GABBR2: variants seen among roughly 807,000 people sequenced by gnomAD.
GABBR2 encodes gamma-aminobutyric acid type B receptor subunit 2.
Under a neutral mutation model 105.6 loss-of-function variants are expected in GABBR2, and 23 were observed. The observed-to-expected ratio is 0.22, with a 90% CI of 0.16 to 0.31. The LOEUF is 0.31. Among genes scored for constraint, GABBR2 ranks in the 10% least tolerant of loss-of-function variants. The pLI, the probability that GABBR2 is intolerant of heterozygous loss-of-function variation, is 1.00. For missense variants in GABBR2, 734 were observed against 1,245.5 expected, an observed-to-expected ratio of 0.59 and a Z score of 6.18; for synonymous variants, 478 against 499.7, an observed-to-expected ratio of 0.96 and a Z score of 0.58.
At chr9:98,615,204 CA>C (rs1265004215) in intron 1 of GABBR2, among the ~76,000 whole-genome samples, 1 of 152,168 alleles carries the variant, frequency 6.6e-6, no homozygotes, top group Non-Finnish European at 1.5e-5. Context: ...GGATGCGAGA[CA>C]CACTAGAGCA....
At chr9:98,444,312 G>A (rs1204407833) in intron 7 of GABBR2, among the ~76,000 whole-genome samples, 6 of 152,170 alleles carry the variant, frequency 3.9e-5, no homozygotes, top group African/African-American at 1.2e-4. Flanking sequence ...CTGGGTGGAT[G>A]GGGAGGGAGT....
chr9:98,415,480 G>A (rs1405465483), intron 7 of GABBR2, among the ~76,000 whole-genome samples: 2 of 152,146 alleles, frequency 1.3e-5, no homozygotes, highest in Non-Finnish European at 1.5e-5. Context: ...AGAGAGCAAT[G>A]AACAAGTTCA....
At chr9:98,688,245 G>T (rs1283614734) in intron 1 of GABBR2, among the ~76,000 whole-genome samples, 1 of 152,104 alleles carries the variant, frequency 6.6e-6, no homozygotes, top group East Asian at 1.9e-4. Flanking sequence ...TGGAGCAATG[G>T]GGTGAATGTA....
intron 11 of GABBR2, among the ~76,000 whole-genome samples, chr9:98,380,434 C>T (rs1287294406): frequency 2.6e-5 from 4 of 152,236 alleles, no homozygotes; most frequent in African/African-American, 9.6e-5. Flanking sequence ...TTTTTCTCAT[C>T]CCCACCTGCT....
chr9:98,629,335 A>G (rs1168556653), intron 1 of GABBR2, among the ~76,000 whole-genome samples: 1 of 152,254 alleles, frequency 6.6e-6, no homozygotes, highest in Non-Finnish European at 1.5e-5. Context: ...TGATAAGCCA[A>G]AAATGTCTTC....
At chr9:98,401,369 G>A (rs1832392036) in intron 8 of GABBR2, among the ~76,000 whole-genome samples, 1 of 152,118 alleles carries the variant, frequency 6.6e-6, no homozygotes, top group South Asian at 2.1e-4. Flanking sequence ...AGAGAATCAG[G>A]GCTCCCTTCA....
chr9:98,626,717 C>G (rs1050859513), intron 1 of GABBR2, among the ~76,000 whole-genome samples: 1 of 152,182 alleles, frequency 6.6e-6, no homozygotes, highest in Admixed American at 6.5e-5. Flanking sequence ...TTTTTATTAT[C>G]TGAAGCAACA....
intron 1 of GABBR2, among the ~76,000 whole-genome samples, chr9:98,670,727 C>T (rs1016539476): frequency 6.6e-6 from 1 of 152,144 alleles, no homozygotes; most frequent in African/African-American, 2.4e-5. Context: ...AGAAGTCAGT[C>T]ACAAAAAGAC....
intron 5 of GABBR2, among the ~76,000 whole-genome samples, chr9:98,476,265 G>T (rs895939304): frequency 5.8e-4 from 88 of 152,316 alleles, no homozygotes. Context: ...TCCTGTTGTA[G>T]CTGTTTCTTG....
rs773311835 is a variant in GABBR2, at chr9:98,496,610, G to A, written c.631-96C>T. ...CCTGGGGAAGTCAATTGGGCAAAGC[G>A]ATTTTCTCTACCGACAATGCAAAGT... is the stretch of plus-strand genomic sequence containing the variant. On this transcript the variant is annotated intron_variant, in intron 3 of 18. Coordinates refer to ENST00000259455, the MANE Select transcript of GABBR2 (RefSeq NM_005458.8). The A allele has an allele frequency of 2.8e-5, 22 of 781,106 alleles. No homozygotes were observed. The African/African-American group carries it at 3.1e-4, about 11-fold the overall frequency. The allele number at this position is 781,106 out of a possible 1,614,324, so 48.4% of individuals were successfully genotyped here.
intron 7 of GABBR2, among the ~76,000 whole-genome samples, chr9:98,437,743 CATCCATCCACCTACATACTCATCCATTT>C (rs1374119977): frequency 6.6e-6 from 1 of 151,742 alleles, no homozygotes; most frequent in African/African-American, 2.4e-5. Context: ...TCCATCCATC[CATCCATCCACCTACATACTCATCCATTT>C]ATCCATCCAT....
At chr9:98,652,478 G>A (rs1236211970) in intron 1 of GABBR2, among the ~76,000 whole-genome samples, 1 of 152,128 alleles carries the variant, frequency 6.6e-6, no homozygotes, top group Non-Finnish European at 1.5e-5. Context: ...GCAGATTTGA[G>A]ACTGACACCT....
At chr9:98,432,448 C>A (rs1218718926) in intron 7 of GABBR2, among the ~76,000 whole-genome samples, 1 of 152,108 alleles carries the variant, frequency 6.6e-6, no homozygotes, top group Non-Finnish European at 1.5e-5. Context: ...CTAAAAATCC[C>A]ACTGAGGTGG....
chr9:98,583,152 T>C (rs2131786147), intron 1 of GABBR2, among the ~76,000 whole-genome samples: 1 of 152,358 alleles, frequency 6.6e-6, no homozygotes, highest in East Asian at 1.9e-4. Flanking sequence ...CATGCTTCCC[T>C]GGCTCCCCTA....
At chr9:98,705,065 TACTC>T (rs1195914575) in intron 1 of GABBR2, among the ~76,000 whole-genome samples, 2 of 152,230 alleles carry the variant, frequency 1.3e-5, no homozygotes, top group African/African-American at 4.8e-5. Context: ...TAAAATATAA[TACTC>T]AATGCAATAA....
intron 6 of GABBR2, among the ~76,000 whole-genome samples, chr9:98,457,362 T>A (rs867355066): frequency 5.9e-5 from 9 of 152,198 alleles, no homozygotes; most frequent in South Asian, 2.1e-4. Context: ...AGACTTGAGG[T>A]GAACATTCCC....
At chr9:98,691,084 C>A (rs72731084) in intron 1 of GABBR2, among the ~76,000 whole-genome samples, 1,957 of 152,292 alleles carry the variant, frequency 0.013, 25 homozygotes, top group Non-Finnish European at 0.018. Flanking sequence ...GCTTTAAAAT[C>A]CCTCCTGGGC....
intron 1 of GABBR2, among the ~76,000 whole-genome samples, chr9:98,668,474 A>T (rs191135700): frequency 6.6e-6 from 1 of 152,200 alleles, no homozygotes; most frequent in Non-Finnish European, 1.5e-5. Context: ...GAAAGCTAAC[A>T]TTTTAACTTT....
intron 1 of GABBR2, among the ~76,000 whole-genome samples, chr9:98,623,818 C>T (rs776675190): frequency 6.6e-6 from 1 of 152,220 alleles, no homozygotes; most frequent in Non-Finnish European, 1.5e-5. Context: ...TTAACTTAAT[C>T]CCATCTGTCC....
Sources: allele counts gnomAD v4.1 joint callset (sites outside exome capture counted in the v4.1 genomes callset), GRCh38; gene constraint gnomAD v4.1.1; transcripts MANE v1.5; gene names NCBI Gene and HGNC (gene_info 2026-07-23, HGNC 2026-07-21).